Variants in GRAMD1B observed in about 807,000 individuals in gnomAD.
The protein encoded by GRAMD1B is GRAM domain containing 1B.
In GRAMD1B, 37 loss-of-function variants were observed where a neutral mutation model predicts 99.7. The observed-to-expected ratio is 0.37, with a 90% CI of 0.29 to 0.49. The LOEUF is 0.49. Among genes scored for constraint, GRAMD1B ranks in the 20% least tolerant of loss-of-function variants. The pLI, the probability that GRAMD1B is intolerant of heterozygous loss-of-function variation, is 0.98. For missense variants in GRAMD1B, 888 were observed against 1,009.2 expected, an observed-to-expected ratio of 0.88 and a Z score of 1.63; for synonymous variants, 427 against 387.6, an observed-to-expected ratio of 1.10 and a Z score of -1.19.
chr11:123,552,994 G>T (rs992698849), intron 2 of GRAMD1B, among the ~76,000 whole-genome samples: 2 of 152,184 alleles, frequency 1.3e-5, no homozygotes, highest in African/African-American at 4.8e-5. Flanking sequence ...AATTACTAGA[G>T]AATTAGGTTA....
intron 2 of GRAMD1B, among the ~76,000 whole-genome samples, chr11:123,572,374 C>T (rs180711413): frequency 6.6e-6 from 1 of 152,222 alleles, no homozygotes; most frequent in Non-Finnish European, 1.5e-5. Context: ...ATGAATGGCA[C>T]ATTATAAAGT....
At chr11:123,390,750 A>G (rs745558660) in intron 1 of GRAMD1B, among the ~76,000 whole-genome samples, 2 of 152,226 alleles carry the variant, frequency 1.3e-5, no homozygotes, top group Non-Finnish European at 2.9e-5. Flanking sequence ...CAACTGGTTG[A>G]TAGTGGCAGA....
chr11:123,423,032 C>G (rs1295225368), intron 1 of GRAMD1B, among the ~76,000 whole-genome samples: 1 of 152,128 alleles, frequency 6.6e-6, no homozygotes, highest in Non-Finnish European at 1.5e-5. Flanking sequence ...AATCATTTTT[C>G]ATAAACTTTT....
intron 1 of GRAMD1B, among the ~76,000 whole-genome samples, chr11:123,410,950 G>A (rs1565481534): frequency 6.6e-6 from 1 of 151,802 alleles, no homozygotes; most frequent in Non-Finnish European, 1.5e-5. Context: ...AAAGTGCCTT[G>A]TATACCTCTG....
chr11:123,619,606 C>T (rs1404931856), intron 19 of GRAMD1B: 1 of 929,082 alleles, frequency 1.1e-6, no homozygotes. Flanking sequence ...TGAGTTTTTT[C>T]AAATGTTTAC....
intron 1 of GRAMD1B, among the ~76,000 whole-genome samples, chr11:123,361,347 C>G (rs1946141883): frequency 6.6e-6 from 1 of 152,200 alleles, no homozygotes; most frequent in Non-Finnish European, 1.5e-5. Context: ...TGCTTTTGCA[C>G]AGGTGGCATG....
intron 2 of GRAMD1B, among the ~76,000 whole-genome samples, chr11:123,565,352 T>A (rs534102896): frequency 9.5e-4 from 144 of 152,286 alleles, no homozygotes; most frequent in African/African-American, 3.4e-3. Context: ...GAGGCAATTT[T>A]AAAAGTATTA....
intron 1 of GRAMD1B, among the ~76,000 whole-genome samples, chr11:123,466,469 A>AAAAG (rs148698290): frequency 2.3e-4 from 33 of 145,902 alleles, no homozygotes; most frequent in South Asian, 4.2e-4. Flanking sequence ...AGAAAGAAAG[A>AAAAG]AAAGAAAGAA....
At chr11:123,470,277 A>G (rs1419645202) in intron 1 of GRAMD1B, among the ~76,000 whole-genome samples, 4 of 152,204 alleles carry the variant, frequency 2.6e-5, no homozygotes, top group African/African-American at 4.8e-5. Flanking sequence ...ACACAAAACC[A>G]TACAAAAGCT....
intron 1 of GRAMD1B, among the ~76,000 whole-genome samples, chr11:123,421,084 G>A (rs1948417719): frequency 6.6e-6 from 1 of 152,212 alleles, no homozygotes; most frequent in African/African-American, 2.4e-5. Flanking sequence ...CTTTTAGTAA[G>A]TAGTGATGTT....
chr11:123,476,368 T>C (rs1004457780), intron 1 of GRAMD1B, among the ~76,000 whole-genome samples: 4 of 152,230 alleles, frequency 2.6e-5, no homozygotes, highest in African/African-American at 9.6e-5. Flanking sequence ...CCTAAAGTGC[T>C]GGGATTACAG....
At chr11:123,434,419 G>A (rs374403528) in intron 1 of GRAMD1B, among the ~76,000 whole-genome samples, 34 of 152,162 alleles carry the variant, frequency 2.2e-4, no homozygotes, top group East Asian at 1.2e-3. Flanking sequence ...TTTAGGCCTC[G>A]AAGATGAAAG....
At chr11:123,580,986 A>C (rs1298136071) in intron 3 of GRAMD1B, among the ~76,000 whole-genome samples, 1 of 131,984 alleles carries the variant, frequency 7.6e-6, no homozygotes, top group Non-Finnish European at 1.6e-5. Flanking sequence ...ATTGTTTTTT[A>C]TTTCTAACTC....
At chr11:123,443,690 C>T (rs1240245654) in intron 1 of GRAMD1B, among the ~76,000 whole-genome samples, 4 of 151,976 alleles carry the variant, frequency 2.6e-5, no homozygotes, top group African/African-American at 9.7e-5. Context: ...TTCAAGCATT[C>T]TTCTGCCTCA....
At chr11:123,426,705 G>A (rs976717352), upstream of GRAMD1B, among the ~76,000 whole-genome samples, 2 of 152,164 alleles carry the variant, frequency 1.3e-5, no homozygotes, top group Non-Finnish European at 1.5e-5. Context: ...GTGTCTTTGG[G>A]AGTTCCCTGC....
intron 2 of GRAMD1B, among the ~76,000 whole-genome samples, chr11:123,544,514 C>A (rs1162821735): frequency 6.6e-6 from 1 of 152,182 alleles, no homozygotes; most frequent in South Asian, 2.1e-4. Flanking sequence ...ACTCCTTGGC[C>A]AGTTTTCTTT....
rs1306677193 is a variant in GRAMD1B, at chr11:123,622,658, A to T, written c.*63A>T. On this transcript the variant is annotated 3_prime_UTR_variant, in exon 20 of 20. Transcript: ENST00000635736. The stretch of plus-strand genomic sequence containing the variant: ...ATACATGTACATAGACCATATAAAT[A>T]TATATATATAAATATATATATATAC... The T allele has an allele frequency of 5.0e-6, 2 of 400,082 alleles. No homozygotes were observed. Among genetic ancestry groups the T allele is most frequent in the Non-Finnish European group, 8.8e-6 (2 of 226,258 alleles). 24.8% of individuals were successfully genotyped at this position (400,082 alleles called of 1,614,324 possible).
chr11:123,440,750 T>G (rs375232109), intron 1 of GRAMD1B, among the ~76,000 whole-genome samples: 1 of 152,218 alleles, frequency 6.6e-6, no homozygotes, highest in Non-Finnish European at 1.5e-5. Flanking sequence ...TATCTGCTTC[T>G]GACCTTAGGA....
intron 2 of GRAMD1B, among the ~76,000 whole-genome samples, chr11:123,524,209 A>G (rs1268106284): frequency 1.3e-5 from 2 of 152,178 alleles, no homozygotes; most frequent in African/African-American, 4.8e-5. Flanking sequence ...GCTGAATGAC[A>G]CACAGTCCTT....
Sources: allele counts gnomAD v4.1 joint callset (sites outside exome capture counted in the v4.1 genomes callset), GRCh38; gene constraint gnomAD v4.1.1; transcripts MANE v1.5; gene names NCBI Gene and HGNC (gene_info 2026-07-23, HGNC 2026-07-21).